Variants in GLS observed in about 807,000 individuals in gnomAD.
GLS encodes glutaminase.
GLS carries 36 observed loss-of-function variants against 86.7 expected under a neutral mutation model. The ratio of observed to expected loss-of-function variants is 0.42; its 90% CI spans 0.32 to 0.55. The LOEUF is 0.55. GLS is among the 20% of genes least tolerant of loss of function. GLS has a pLI of 0.17. For missense variants in GLS, 528 were observed against 833.4 expected (o/e 0.63, Z 4.51); for synonymous variants, 317 against 305.9 (o/e 1.04, Z -0.38).
At chr2:190,948,331 T>C (rs1169577708) in intron 14 of GLS, among the ~76,000 whole-genome samples, 1 of 152,172 alleles carries the variant, frequency 6.6e-6, no homozygotes, top group Admixed American at 6.5e-5. Context: ...CATTAAAGTT[T>C]CCTGATTTTT....
intron 14 of GLS, among the ~76,000 whole-genome samples, chr2:190,948,367 AT>A (rs1208593155): frequency 6.6e-6 from 1 of 152,190 alleles, no homozygotes; most frequent in Non-Finnish European, 1.5e-5. Context: ...GAATAACAAT[AT>A]ACTCTGAATA....
intron 9 of GLS, among the ~76,000 whole-genome samples, chr2:190,922,002 T>C (rs1419150584): frequency 6.6e-6 from 1 of 152,150 alleles, no homozygotes; most frequent in Non-Finnish European, 1.5e-5. Context: ...ACAAATTTTA[T>C]TAAATGGCTT....
Position 190,881,293 on chromosome 2 carries a change from G to A in GLS, c.209G>A (p.Arg70Gln), listed in dbSNP as rs1044736943. The change falls in exon 1 of 18, where the codon CGG (arginine) becomes CAG (glutamine). Residue 70 changes from arginine (R) to glutamine (Q), a missense_variant. Physicochemically the swap from Arg to Gln is conservative, Grantham distance 43 (BLOSUM62 1). This residue lies in a region of GLS where 224 missense variants were observed against 187.9 expected (regional missense o/e 1.19). Transcript: ENST00000320717. ...GGCTGGCCGGCGGAGCCCCTCGCGC[G>A]GGGCCTGTCCAGCTCTCCTTCGGAG... is the stretch of plus-strand genomic sequence containing the variant. ...GGGWPAEPLA[R>Q]GLSSSPSEIL... 7.1e-7 allele frequency: 1 copy of A among 1,401,416 alleles called. No individual in the cohort carries two copies. The highest frequency in any genetic ancestry group is 9.3e-7 in the Non-Finnish European group (1 of 1,071,980). 86.8% of individuals were successfully genotyped at this position (1,401,416 alleles called of 1,614,324 possible). A position where few individuals can be genotyped will look rare whatever the true frequency, so the allele number is the denominator to read the frequency against.
At chr2:190,942,179 A>G (rs1169210733) in intron 14 of GLS, among the ~76,000 whole-genome samples, 1 of 137,726 alleles carries the variant, frequency 7.3e-6, no homozygotes, top group Non-Finnish European at 1.5e-5. Context: ...TCCCGGGTTC[A>G]CACCATTCTC....
rs183320779 is a variant in GLS, at chr2:190,943,920, A to G, written c.1651-9645A>G. Among the ~76,000 whole-genome samples the G allele has an allele frequency of 6.6e-6, 1 of 152,310 alleles. No individual in the cohort carries two copies. Among genetic ancestry groups the G allele is most frequent in the Admixed American group, 6.5e-5 (1 of 15,302 alleles). On this transcript the variant is annotated intron_variant, in intron 14 of 17. Coordinates refer to ENST00000320717, the MANE Select transcript of GLS (RefSeq NM_014905.5). This position sits in a 1 kb window ranked among gnomAD's most constrained non-coding sequence, Gnocchi z 4.5. ...TTTTCTAACATTAAAGCAATTAGTAAAGATTGTGTTAGTATTGTGGGTTGG... is the reference window on the plus strand; with the variant it reads ...TTTTCTAACATTAAAGCAATTAGTAGAGATTGTGTTAGTATTGTGGGTTGG...
At position 190,914,185 on chromosome 2, in the gene GLS, G is replaced by GT. The variant is rs966957884; in HGVS notation, c.1038+3872dup. On this transcript the variant is annotated intron_variant, in intron 7 of 17. Coordinates refer to ENST00000320717, the MANE Select transcript of GLS (RefSeq NM_014905.5). This position sits in a 1 kb window ranked among gnomAD's most constrained non-coding sequence, Gnocchi z 4.4. ...GTATTTTTGAATTTTAAAAATTAGG[G>GT]TTTTTTTTCTTTCTCTTTAAACAAT... 7.9e-5 allele frequency among the ~76,000 whole-genome samples: 12 copies of GT among 151,660 alleles called. No individual in the cohort carries two copies. Among genetic ancestry groups the GT allele is most frequent in the East Asian group, 3.9e-4 (2 of 5,178 alleles).
chr2:190,931,500 A>T (rs780951809), intron 13 of GLS, 45 bp from the exon 14 acceptor site: 1 of 842,322 alleles, frequency 1.2e-6, no homozygotes, highest in Non-Finnish European at 1.9e-6. Flanking sequence ...TATATAACCA[A>T]TGAATAGCCA....
chr2:190,885,559 A>G (rs537502503), intron 1 of GLS, among the ~76,000 whole-genome samples: 4 of 152,216 alleles, frequency 2.6e-5, no homozygotes, highest in African/African-American at 4.8e-5. Context: ...GGTAGATTGA[A>G]CAATACTAGT....
At chr2:190,952,668 C>G (rs1690745030) in intron 14 of GLS, among the ~76,000 whole-genome samples, 1 of 152,146 alleles carries the variant, frequency 6.6e-6, no homozygotes, top group African/African-American at 2.4e-5. Context: ...CCCAGTTAAA[C>G]TTGTTTTCTA....
chr2:190,885,387 A>C (rs1436873591), intron 1 of GLS, among the ~76,000 whole-genome samples: 1 of 152,092 alleles, frequency 6.6e-6, no homozygotes, highest in Non-Finnish European at 1.5e-5. Context: ...ATGGGGTTTC[A>C]CCATGTTGGC....
At chr2:190,900,259 G>T (rs1375102044) in intron 3 of GLS, among the ~76,000 whole-genome samples, 1 of 152,124 alleles carries the variant, frequency 6.6e-6, no homozygotes, top group East Asian at 1.9e-4. Context: ...TACCAACTCT[G>T]ATTGAGTAAG....
At chr2:190,946,861 C>T (rs2124939751) in intron 14 of GLS, among the ~76,000 whole-genome samples, 1 of 152,248 alleles carries the variant, frequency 6.6e-6, no homozygotes, top group South Asian at 2.1e-4. Context: ...TCATCATGGT[C>T]TAGTTGTACA....
At position 190,920,526 on chromosome 2, in the gene GLS, AATTAAAAG is replaced by A. The variant is rs1215172716; in HGVS notation, c.1039-493_1039-486del. Among the ~76,000 whole-genome samples the A allele has an allele frequency of 6.6e-6, 1 of 151,856 alleles. No homozygotes were observed. Among genetic ancestry groups the A allele is most frequent in the African/African-American group, 2.4e-5 (1 of 41,446 alleles). Reference sequence around the variant, plus strand: ...CAACCAGAATGTTTGCATATACTGGAATTAAAAGATTAGTTTTGCAACATAATTCATTT... The same window carrying A: ...CAACCAGAATGTTTGCATATACTGGAATTAGTTTTGCAACATAATTCATTT... On this transcript the variant is annotated intron_variant, in intron 7 of 17. Coordinates refer to ENST00000320717, the MANE Select transcript of GLS (RefSeq NM_014905.5). This position sits in a 1 kb window ranked among gnomAD's most constrained non-coding sequence, Gnocchi z 4.2.
intron 17 of GLS, among the ~76,000 whole-genome samples, chr2:190,957,679 C>T (rs1312464165): frequency 6.6e-6 from 1 of 152,160 alleles, no homozygotes; most frequent in Non-Finnish European, 1.5e-5. Context: ...TGGTTTTTGT[C>T]ATTGGTTCTG....
intron 14 of GLS, among the ~76,000 whole-genome samples, chr2:190,937,749 T>C (rs1690313034): frequency 6.6e-6 from 1 of 151,120 alleles, no homozygotes; most frequent in Admixed American, 6.6e-5. Flanking sequence ...AAAAACTTTA[T>C]AATGGCTTCC....
chr2:190,954,931 A>G lies in GLS; in HGVS notation c.1853+113A>G. The G allele has an allele frequency of 1.4e-6, 1 of 717,720 alleles. No homozygotes were observed. Among genetic ancestry groups the G allele is most frequent in the Non-Finnish European group, 2.3e-6 (1 of 430,186 alleles). The allele number at this position is 717,720 out of a possible 1,614,324, so 44.5% of individuals were successfully genotyped here. A position where few individuals can be genotyped will look rare whatever the true frequency, so the allele number is the denominator to read the frequency against. ...AAGACATTCTTGAACCTGCTATGAT[A>G]TCTTATAAAGGCAATAAACCTTGTT... On this transcript the variant is annotated intron_variant, in intron 17 of 17. Coordinates refer to ENST00000320717, the MANE Select transcript of GLS (RefSeq NM_014905.5). This position sits in a 1 kb window ranked among gnomAD's most constrained non-coding sequence, Gnocchi z 4.0.
Position 190,962,991 on chromosome 2 carries a change from C to A in GLS, c.*5C>A. 1.3e-6 allele frequency: 2 copies of A among 1,576,070 alleles called. No individual in the cohort carries two copies. Among genetic ancestry groups the A allele is most frequent in the South Asian group, 1.2e-5 (1 of 84,836 alleles). On this transcript the variant is annotated 3_prime_UTR_variant, in exon 18 of 18. Coordinates refer to ENST00000320717, the MANE Select transcript of GLS (RefSeq NM_014905.5). This position sits in a 1 kb window ranked among gnomAD's most constrained non-coding sequence, Gnocchi z 4.2. ...AATCTTGATGGATTGTTGTAATGGT[C>A]TCAAATCCCAAGATTTAAATCACTT...
At chr2:190,926,683 A>G (rs1014038023) in intron 11 of GLS, among the ~76,000 whole-genome samples, 1 of 152,212 alleles carries the variant, frequency 6.6e-6, no homozygotes, top group Non-Finnish European at 1.5e-5. Context: ...CTTAGCACCC[A>G]TAGTAAATAT....
intron 4 of GLS, 32 bp from the exon 5 acceptor site, chr2:190,901,915 A>G: frequency 3.2e-6 from 4 of 1,237,352 alleles, no homozygotes; most frequent in Middle Eastern, 3.8e-4. Flanking sequence ...TCAATATTAT[A>G]TCTATTCATT....
Sources: allele counts gnomAD v4.1 joint callset (sites outside exome capture counted in the v4.1 genomes callset), GRCh38; gene constraint gnomAD v4.1.1; regional missense constraint gnomAD v4.1.1; non-coding constraint Gnocchi (gnomAD v3.1); transcripts MANE v1.5; gene names NCBI Gene and HGNC (gene_info 2026-07-23, HGNC 2026-07-21).